The following REV1 variants were observed in gnomAD, a reference collection of about 807,000 sequenced individuals.
REV1 encodes the protein REV1 DNA directed polymerase, also known as translesion synthesis protein REV1.
In REV1, 42 loss-of-function variants were observed where a neutral mutation model predicts 137.4. That is an observed-to-expected ratio of 0.31 (90% CI 0.24 to 0.40). The LOEUF (loss-of-function observed/expected upper bound fraction) is 0.40, where lower values mean the gene tolerates loss of function less well. Ranked by LOEUF, REV1 falls within the 10% of genes least tolerant of loss-of-function variation. The pLI, the probability that REV1 is intolerant of heterozygous loss-of-function variation, is 1.00. For synonymous variants in REV1, 524 were observed against 519.2 expected (o/e 1.01, Z -0.12); for missense variants, 1,282 against 1,490.1 (o/e 0.86, Z 2.30).
chr2:99,432,137 G>GT (rs1361206730), intron 8 of REV1, among the ~76,000 whole-genome samples: 4 of 152,102 alleles, frequency 2.6e-5, no homozygotes, highest in African/African-American at 9.7e-5. Context: ...AATGAGAAGT[G>GT]TGACTACTGA....
chr2:99,418,387 A>C (rs760667914), intron 12 of REV1, among the ~76,000 whole-genome samples: 12 of 152,162 alleles, frequency 7.9e-5, no homozygotes, highest in Non-Finnish European at 1.5e-4. Flanking sequence ...CACACATTCT[A>C]TTTATACTTT....
At chr2:99,479,252 G>C (rs1001109977) in intron 1 of REV1, among the ~76,000 whole-genome samples, 60 of 150,748 alleles carry the variant, frequency 4.0e-4, no homozygotes, top group African/African-American at 1.3e-3. Context: ...GCTTGAACCA[G>C]GGAGTCAGAG....
Position 99,410,721 on chromosome 2 carries a change from G to A in REV1, c.2319C>T (p.Gly773=), listed in dbSNP as rs1201681948. Reference sequence around the variant, plus strand: ...TGGCAATGTTATCACAAATTCCATGGCCTCCAAATTTTGCAGTTTCTACAG... The same window carrying A: ...TGGCAATGTTATCACAAATTCCATGACCTCCAAATTTTGCAGTTTCTACAG... ...GAPVETAKFG[G]HGICDNIART... is the part of the protein sequence containing the mutation. Residue 773 remains glycine (G), a synonymous_variant, in exon 14 of 23, where the codon GGC becomes GGT. Coordinates refer to ENST00000258428, the MANE Select transcript of REV1 (RefSeq NM_016316.4). The A allele has an allele frequency of 6.3e-7, 1 of 1,593,232 alleles. No homozygotes were observed. The highest frequency in any genetic ancestry group is 8.5e-7 in the Non-Finnish European group (1 of 1,174,422).
intron 11 of REV1, 28 bp downstream of exon 11, chr2:99,421,471 T>C: frequency 6.3e-7 from 1 of 1,583,012 alleles, no homozygotes; most frequent in South Asian, 1.2e-5. Flanking sequence ...AGCAACTCTT[T>C]TGAGTACAAG....
intron 1 of REV1, among the ~76,000 whole-genome samples, chr2:99,469,596 C>T (rs1685178562): frequency 6.6e-6 from 1 of 152,174 alleles, no homozygotes; most frequent in Non-Finnish European, 1.5e-5. Context: ...TCCTGAATGC[C>T]TACACAAGAC....
At chr2:99,413,846 G>A (rs562379420) in intron 12 of REV1, among the ~76,000 whole-genome samples, 13 of 152,286 alleles carry the variant, frequency 8.5e-5, no homozygotes, top group African/African-American at 2.9e-4. Flanking sequence ...AAAAGACAGC[G>A]TTGTGTTTCT....
chr2:99,447,459 C>G (rs1265268363), intron 4 of REV1, among the ~76,000 whole-genome samples: 3 of 152,134 alleles, frequency 2.0e-5, no homozygotes, highest in Admixed American at 2.0e-4. Flanking sequence ...CGTGAGCCAC[C>G]GCGCCCAGCC....
chr2:99,458,270 A>G (rs1205525413), intron 3 of REV1, among the ~76,000 whole-genome samples: 18 of 152,246 alleles, frequency 1.2e-4, no homozygotes, highest in African/African-American at 4.1e-4. Context: ...CCAATTAGAA[A>G]ATGAGGAAAA....
At chr2:99,419,101 T>A (rs1678288978) in intron 11 of REV1, among the ~76,000 whole-genome samples, 154 bp from the exon 12 acceptor site, 1 of 152,170 alleles carries the variant, frequency 6.6e-6, no homozygotes, top group African/African-American at 2.4e-5. Flanking sequence ...TGCTAAGTAT[T>A]TAGATTATAA....
upstream of REV1, among the ~76,000 whole-genome samples, chr2:99,490,196 T>TCCTCC (rs1165980683): frequency 6.7e-6 from 1 of 148,744 alleles, no homozygotes; most frequent in Non-Finnish European, 1.5e-5. Context: ...GCCTCCGTGT[T>TCCTCC]CCTCCCCTCC....
At chr2:99,471,361 T>C (rs1210944284) in intron 1 of REV1, among the ~76,000 whole-genome samples, 1 of 152,190 alleles carries the variant, frequency 6.6e-6, no homozygotes, top group Non-Finnish European at 1.5e-5. Flanking sequence ...TTTCAACAAA[T>C]GGTGATAGGA....
intron 3 of REV1, 144 bp from the exon 4 acceptor site, chr2:99,449,648 G>A: frequency 2.4e-6 from 1 of 416,612 alleles, no homozygotes; most frequent in Non-Finnish European, 4.0e-6. Context: ...AAAGCTGGGA[G>A]GTAAATCACA....
intron 14 of REV1, among the ~76,000 whole-genome samples, chr2:99,408,706 C>A (rs759164769): frequency 2.0e-5 from 3 of 152,208 alleles, no homozygotes; most frequent in Non-Finnish European, 4.4e-5. Context: ...GATGTGCTGA[C>A]CTCACCCACC....
chr2:99,407,602 CTTGCCTGTTTCAAAGGCATCTTGAT>C (rs1443259499), intron 15 of REV1, among the ~76,000 whole-genome samples: 2 of 151,758 alleles, frequency 1.3e-5, no homozygotes, highest in African/African-American at 2.4e-5. Context: ...TTTGATGCCT[CTTGCCTGTTTCAAAGGCATCTTGAT>C]GTGCCTGTGG....
intron 8 of REV1, among the ~76,000 whole-genome samples, chr2:99,432,534 T>C (rs1042012574): frequency 3.3e-4 from 50 of 152,308 alleles, no homozygotes; most frequent in South Asian, 8.3e-4. Context: ...GATAATCTAT[T>C]CATTTTATAT....
rs1271359991 is a variant in REV1 at position 99,489,976 on chromosome 2, A to G, written c.-170T>C. Reference sequence around the variant, plus strand: ...GCAGCGCCGCGGTCCACGCTCCCCCACGCTCGCGGCAACCAACCCCGCGCG... The same window carrying G: ...GCAGCGCCGCGGTCCACGCTCCCCCGCGCTCGCGGCAACCAACCCCGCGCG... On this transcript the variant is annotated 5_prime_UTR_variant, in exon 1 of 23. Coordinates refer to ENST00000258428, the MANE Select transcript of REV1 (RefSeq NM_016316.4). 3 of 148,574 alleles carry G rather than the reference A, an allele frequency of 2.0e-5. No homozygotes were observed. Among genetic ancestry groups the G allele is most frequent in the African/African-American group, 7.4e-5 (3 of 40,528 alleles). 9.2% of individuals were successfully genotyped at this position (148,574 alleles called of 1,614,324 possible).
At chr2:99,468,993 A>G (rs1270087572) in intron 1 of REV1, among the ~76,000 whole-genome samples, 1 of 152,216 alleles carries the variant, frequency 6.6e-6, no homozygotes, top group Non-Finnish European at 1.5e-5. Flanking sequence ...TCAAATCCCA[A>G]TTCTACGACT....
At chr2:99,419,153 C>T (rs370835867) in intron 11 of REV1, among the ~76,000 whole-genome samples, 3 of 151,148 alleles carry the variant, frequency 2.0e-5, no homozygotes, top group African/African-American at 7.3e-5. Flanking sequence ...TGCTCTAACG[C>T]AAGTGCCACT....
chr2:99,459,698 C>G (rs1683958812), intron 3 of REV1, among the ~76,000 whole-genome samples: 1 of 152,036 alleles, frequency 6.6e-6, no homozygotes, highest in Middle Eastern at 3.4e-3. Flanking sequence ...AGAGGGAGAC[C>G]CTATCTCAAA....
Sources: gnomAD v4.1 joint callset for allele counts (sites outside exome capture counted in the v4.1 genomes callset) on GRCh38, gnomAD v4.1.1 for gene constraint, MANE v1.5 for transcripts, NCBI Gene and HGNC (gene_info 2026-07-23, HGNC 2026-07-21) for gene names.